FAM118A: variants seen among roughly 807,000 people sequenced by gnomAD.
The protein encoded by FAM118A is protein FAM118A.
A neutral mutation model predicts 38.2 loss-of-function variants in FAM118A; 25 were observed. The observed-to-expected ratio is 0.65, with a 90% CI of 0.48 to 0.91. FAM118A has a LOEUF of 0.91. Ranked by LOEUF, FAM118A falls within the 40% of genes least tolerant of loss-of-function variation. The pLI, the probability that FAM118A is intolerant of heterozygous loss-of-function variation, is 0.00. For synonymous variants in FAM118A, 178 were observed against 184.1 expected (o/e 0.97, Z 0.27); for missense variants, 425 against 463.3 (o/e 0.92, Z 0.76).
In FAM118A at chr22:45,332,415, C is replaced by A. The variant is rs1415592941; in HGVS notation, c.652-10C>A. 1.2e-6 allele frequency: 2 copies of A among 1,602,868 alleles called. No homozygotes were observed. Among genetic ancestry groups the A allele is most frequent in the Non-Finnish European group, 1.7e-6 (2 of 1,175,098 alleles). On this transcript the variant is annotated splice_polypyrimidine_tract_variant and intron_variant, in intron 5 of 8. Transcript: ENST00000441876. ...AATGAGCACTCAATTTCTTCATTGG[C>A]CTTTTCTAGGAAGTCCTCCAGAACT... is the stretch of plus-strand genomic sequence containing the variant.
chr22:45,331,236 A>G (rs1601961918), intron 5 of FAM118A, among the ~76,000 whole-genome samples: 3 of 152,036 alleles, frequency 2.0e-5, no homozygotes, highest in Non-Finnish European at 4.4e-5. Flanking sequence ...AGGCAGGAGG[A>G]TTGCTTGAGT....
At chr22:45,311,115 G>T (rs1365381366) in intron 1 of FAM118A, among the ~76,000 whole-genome samples, 1 of 152,158 alleles carries the variant, frequency 6.6e-6, no homozygotes, top group Non-Finnish European at 1.5e-5. Context: ...TGGGTGTTAA[G>T]GAGGGCGTCT....
intron 7 of FAM118A, 148 bp from the exon 8 acceptor site, chr22:45,336,180 T>C (rs2086080779): frequency 1.0e-5 from 6 of 578,930 alleles, no homozygotes; most frequent in South Asian, 9.4e-5. Flanking sequence ...ATGGCTCTCT[T>C]TGGAGAGAAG....
intron 1 of FAM118A, among the ~76,000 whole-genome samples, chr22:45,314,244 A>G (rs1298547263): frequency 1.3e-5 from 2 of 152,210 alleles, no homozygotes; most frequent in African/African-American, 4.8e-5. Context: ...GGACAGTTGA[A>G]TGATAAGCAC....
chr22:45,314,733 C>A (rs891074319), intron 1 of FAM118A, among the ~76,000 whole-genome samples: 2 of 152,196 alleles, frequency 1.3e-5, no homozygotes, highest in Admixed American at 1.3e-4. Context: ...TCTGTCTTGG[C>A]GTGTTTTAAC....
intron 8 of FAM118A, among the ~76,000 whole-genome samples, 179 bp from the exon 9 acceptor site, chr22:45,340,207 C>G (rs1259489049): frequency 6.6e-6 from 1 of 152,234 alleles, no homozygotes; most frequent in Admixed American, 6.5e-5. Context: ...CCTGATAGTA[C>G]TGATAATTAC....
At chr22:45,335,509 C>G (rs2086023232) in intron 7 of FAM118A, 127 bp downstream of exon 7, 2 of 1,060,630 alleles carry the variant, frequency 1.9e-6, no homozygotes, top group East Asian at 5.1e-5. Flanking sequence ...TAAAACAGCC[C>G]CACTGAAGAT....
At chr22:45,321,333 T>A (rs2084866388) in intron 1 of FAM118A, among the ~76,000 whole-genome samples, 1 of 152,212 alleles carries the variant, frequency 6.6e-6, no homozygotes, top group Admixed American at 6.5e-5. Context: ...AACCTTATTT[T>A]TCTGTATTTT....
At chr22:45,321,359 G>T (rs2084867261) in intron 1 of FAM118A, among the ~76,000 whole-genome samples, 1 of 152,052 alleles carries the variant, frequency 6.6e-6, no homozygotes, top group South Asian at 2.1e-4. Flanking sequence ...GCTTACAGTA[G>T]ATATTATTTC....
In FAM118A at chr22:45,327,824, C is replaced by A; in HGVS notation, c.301-18C>A. 3 of 1,613,480 alleles carry A rather than the reference C, an allele frequency of 1.9e-6. No homozygotes were observed. The South Asian group carries it at 3.3e-5, about 18-fold the overall frequency. ...TAAGAGCTGATGTTTTGGTAACTGTCGTTCCACCTTTTTGTAGCGCACAGG... is the reference window on the plus strand; with the variant it reads ...TAAGAGCTGATGTTTTGGTAACTGTAGTTCCACCTTTTTGTAGCGCACAGG... On this transcript the variant is annotated intron_variant, in intron 3 of 8. Coordinates refer to ENST00000441876, the MANE Select transcript of FAM118A (RefSeq NM_017911.4).
upstream of FAM118A, chr22:45,309,140 A>G (rs1461931811): frequency 6.6e-6 from 1 of 152,246 alleles, no homozygotes; most frequent in Non-Finnish European, 1.5e-5. Flanking sequence ...ATGCGCGAGG[A>G]GTCAGGGGGC....
chr22:45,323,453 G>T (rs1415973412), intron 3 of FAM118A, 26 bp downstream of exon 3: 1 of 1,603,112 alleles, frequency 6.2e-7, no homozygotes, highest in Non-Finnish European at 8.5e-7. Context: ...GTACCTCTTG[G>T]GGACAGCTTG....
chr22:45,315,966 A>G (rs906290692), intron 1 of FAM118A, among the ~76,000 whole-genome samples: 7 of 152,222 alleles, frequency 4.6e-5, no homozygotes, highest in Non-Finnish European at 8.8e-5. Flanking sequence ...CCAGAAACCT[A>G]TCAGCTGGAT....
At chr22:45,333,251 C>G (rs2085850653) in intron 6 of FAM118A, among the ~76,000 whole-genome samples, 2 of 152,192 alleles carry the variant, frequency 1.3e-5, no homozygotes, top group Admixed American at 6.5e-5. Context: ...TCAGGCTGGG[C>G]ACCGTGGCTC....
At chr22:45,332,837 C>T (rs1240934250) in intron 6 of FAM118A, 127 bp downstream of exon 6, 3 of 992,988 alleles carry the variant, frequency 3.0e-6, no homozygotes, top group Non-Finnish European at 4.4e-6. Context: ...ACCTCCGCCT[C>T]CTAGGTTCAA....
chr22:45,319,150 A>G (rs1437587278), intron 1 of FAM118A, among the ~76,000 whole-genome samples: 1 of 152,268 alleles, frequency 6.6e-6, no homozygotes, highest in Non-Finnish European at 1.5e-5. Context: ...GCAATTGAAC[A>G]GTGGTTGAAA....
chr22:45,325,678 G>A (rs2085211699), intron 3 of FAM118A, among the ~76,000 whole-genome samples: 1 of 152,194 alleles, frequency 6.6e-6, no homozygotes, highest in African/African-American at 2.4e-5. Context: ...CTTGGGGGCT[G>A]TATGTGTGGA....
chr22:45,320,386 A>C (rs539764499), intron 1 of FAM118A, among the ~76,000 whole-genome samples: 45 of 151,542 alleles, frequency 3.0e-4, no homozygotes, highest in South Asian at 6.2e-4. Flanking sequence ...CCATCAAAAA[A>C]AAACAAACAA....
intron 1 of FAM118A, among the ~76,000 whole-genome samples, chr22:45,314,735 T>C (rs2084531354): frequency 6.6e-6 from 1 of 152,358 alleles, no homozygotes; most frequent in Non-Finnish European, 1.5e-5. Context: ...TGTCTTGGCG[T>C]GTTTTAACAT....
Sources: gnomAD v4.1 joint callset for allele counts (sites outside exome capture counted in the v4.1 genomes callset) on GRCh38, gnomAD v4.1.1 for gene constraint, MANE v1.5 for transcripts, NCBI Gene and HGNC (gene_info 2026-07-23, HGNC 2026-07-21) for gene names.